The following CAPRIN1 variants were observed in gnomAD, a reference collection of about 807,000 sequenced individuals.
CAPRIN1 encodes the protein cell cycle associated protein 1, also known as caprin-1.
Under a neutral mutation model 100.9 loss-of-function variants are expected in CAPRIN1, and 29 were observed. The observed-to-expected ratio is 0.29, with a 90% confidence interval of 0.21 to 0.39. The LOEUF is 0.39. Among genes scored for constraint, CAPRIN1 ranks in the 10% least tolerant of loss-of-function variants. CAPRIN1 has a pLI of 1.00. For missense variants in CAPRIN1, 795 were observed against 876.7 expected, an observed-to-expected ratio of 0.91 and a Z score of 1.18; for synonymous variants, 338 against 307.5, an observed-to-expected ratio of 1.10 and a Z score of -1.04.
At position 34,087,494 on chromosome 11, in the gene CAPRIN1, C is replaced by T. The variant is rs1297602590; in HGVS notation, c.1231+1081C>T. ...GACTACAGGCGCCCGCCACTACACC[C>T]GGCTAATTTTTTGTATTTTTAGTAG... On this transcript the variant is annotated intron_variant, in intron 11 of 18. Coordinates refer to ENST00000341394, the MANE Select transcript of CAPRIN1 (RefSeq NM_005898.5). Among the ~76,000 whole-genome samples the T allele has an allele frequency of 1.4e-4, 20 of 143,924 alleles. 2 individuals are homozygous for T. Among genetic ancestry groups the T allele is most frequent in the African/African-American group, 5.1e-4 (19 of 37,558 alleles). The allele number at this position is 143,924 out of a possible 152,430, so 94.4% of individuals were successfully genotyped here. A position where few individuals can be genotyped will look rare whatever the true frequency, so the allele number is the denominator to read the frequency against.
intron 4 of CAPRIN1, among the ~76,000 whole-genome samples, chr11:34,072,807 A>G (rs1260091298): frequency 1.3e-5 from 2 of 152,258 alleles, no homozygotes; most frequent in Non-Finnish European, 2.9e-5. Context: ...ATGATGTTTC[A>G]GTCAACTTTG....
Position 34,058,853 on chromosome 11 carries a change from G to A in CAPRIN1, c.216+6217G>A, listed in dbSNP as rs539888231. 2.8e-4 allele frequency among the ~76,000 whole-genome samples: 43 copies of A among 152,278 alleles called. No homozygotes were observed. In the East Asian group the frequency reaches 3.9e-3, roughly 14 times the overall value. On this transcript the variant is annotated intron_variant, in intron 2 of 18. Transcript: ENST00000341394. ...TGTAGACCGGAAAAATCTGGAAAAA[G>A]CATTACCAGTAGAGAGAAATAAGAA...
At chr11:34,098,740 A>C in intron 18 of CAPRIN1, 1 of 985,368 alleles carries the variant, frequency 1.0e-6, no homozygotes. Flanking sequence ...ATGAAAGTTG[A>C]GTTAACTGAT....
At chr11:34,080,237 A>G (rs193128226) in intron 7 of CAPRIN1, among the ~76,000 whole-genome samples, 43 of 152,252 alleles carry the variant, frequency 2.8e-4, no homozygotes, top group African/African-American at 1.0e-3. Context: ...CAAAATGTTA[A>G]GACAGATTAT....
intron 15 of CAPRIN1, among the ~76,000 whole-genome samples, chr11:34,095,445 C>G (rs1851352338): frequency 6.6e-6 from 1 of 152,284 alleles, no homozygotes; most frequent in East Asian, 1.9e-4. Context: ...AGCAGTGGCT[C>G]TCTCTTTTTC....
At chr11:34,055,708 T>A (rs1318592126) in intron 2 of CAPRIN1, 1 of 152,226 alleles carries the variant, frequency 6.6e-6, no homozygotes, top group East Asian at 1.9e-4. Flanking sequence ...AAGATTGCCG[T>A]GTTAATAATG....
chr11:34,091,660 T>C, intron 14 of CAPRIN1: 2 of 290,480 alleles, frequency 6.9e-6, no homozygotes. Flanking sequence ...TGTCTTTTTA[T>C]TTTTTTTAAT....
chr11:34,072,397 T>C (rs1408425217), intron 4 of CAPRIN1, among the ~76,000 whole-genome samples: 1 of 152,080 alleles, frequency 6.6e-6, no homozygotes, highest in East Asian at 1.9e-4. Flanking sequence ...ATAGTAGCTA[T>C]GCTAAAGGTC....
chr11:34,069,634 G>A (rs1295332341), intron 2 of CAPRIN1, among the ~76,000 whole-genome samples: 1 of 151,680 alleles, frequency 6.6e-6, no homozygotes, highest in Non-Finnish European at 1.5e-5. Context: ...CTGGGGTCAG[G>A]TCTGTCATAT....
chr11:34,071,829 T>A (rs377522758), intron 3 of CAPRIN1, 41 bp downstream of exon 3: 1 of 1,584,158 alleles, frequency 6.3e-7, no homozygotes, highest in Non-Finnish European at 8.7e-7. Flanking sequence ...TAATGCTCAC[T>A]ATTTTAAAGA....
intron 12 of CAPRIN1, 81 bp from the exon 13 acceptor site, chr11:34,090,098 A>G (rs1228063559): frequency 2.8e-6 from 2 of 716,862 alleles, no homozygotes; most frequent in Non-Finnish European, 2.4e-6. Flanking sequence ...TCTTAGCCTT[A>G]TGCGTCTTAG....
At chr11:34,086,277 C>T (rs1565094622) in intron 10 of CAPRIN1, 28 bp from the exon 11 acceptor site, 6 of 1,608,824 alleles carry the variant, frequency 3.7e-6, no homozygotes, top group Admixed American at 1.7e-5. Context: ...TATTATTTGA[C>T]TTTATTCTAT....
intron 7 of CAPRIN1, 77 bp downstream of exon 7, chr11:34,079,842 C>T (rs1850977598): frequency 1.5e-6 from 2 of 1,354,696 alleles, no homozygotes; most frequent in Non-Finnish European, 2.0e-6. Flanking sequence ...AAACTATACA[C>T]TTACTTAGTT....
chr11:34,053,185 G>A lies in CAPRIN1; in HGVS notation c.216+549G>A, dbSNP rs543173460. ...GAGAGAAGTGTGTTTAGAATCTTAA[G>A]GTAGAACTGCCTTTCCGGCAGGCCC... On this transcript the variant is annotated intron_variant, in intron 2 of 18. Transcript: ENST00000341394. 2.7e-5 allele frequency: 27 copies of A among 984,694 alleles called. 1 individual carries two copies. In the South Asian group the frequency reaches 9.3e-4, roughly 34 times the overall value. 61.0% of individuals were successfully genotyped at this position (984,694 alleles called of 1,614,324 possible).
intron 4 of CAPRIN1, among the ~76,000 whole-genome samples, chr11:34,074,848 G>C (rs1008786802): frequency 1.3e-5 from 2 of 152,090 alleles, no homozygotes; most frequent in African/African-American, 4.8e-5. Context: ...GCACTCCTGG[G>C]CAACAGAGTG....
At chr11:34,072,054 A>G (rs1189517536) in intron 4 of CAPRIN1, 67 bp downstream of exon 4, 1 of 987,110 alleles carries the variant, frequency 1.0e-6, no homozygotes, top group South Asian at 1.5e-5. Flanking sequence ...TAGTCCTTCC[A>G]TTACTATTGA....
At chr11:34,086,281 A>T in intron 10 of CAPRIN1, 24 bp from the exon 11 acceptor site, 1 of 1,609,594 alleles carries the variant, frequency 6.2e-7, no homozygotes. Context: ...ATTTGACTTT[A>T]TTCTATCCTA....
At chr11:34,091,348 G>A (rs1851260981) in intron 14 of CAPRIN1, among the ~76,000 whole-genome samples, 1 of 152,146 alleles carries the variant, frequency 6.6e-6, no homozygotes, top group South Asian at 2.1e-4. Context: ...GTGTAGTGGC[G>A]TGATCTCAGC....
intron 11 of CAPRIN1, 99 bp from the exon 12 acceptor site, chr11:34,089,283 CAAAAAAAAAAAAA>C (rs547881239): frequency 0.043 from 923 of 21,456 alleles, 23 homozygotes; most frequent in African/African-American, 0.17. Flanking sequence ...CCCCCCCCCG[CAAAAAAAAAAAAA>C]AAAAAAAAAA....
Sources: allele counts gnomAD v4.1 joint callset (sites outside exome capture counted in the v4.1 genomes callset), GRCh38; gene constraint gnomAD v4.1.1; transcripts MANE v1.5; gene names NCBI Gene and HGNC (gene_info 2026-07-23, HGNC 2026-07-21).